Variants in ARRB1 observed in about 807,000 individuals in gnomAD.
The protein encoded by ARRB1 is beta-arrestin-1.
In ARRB1, 21 loss-of-function variants were observed where a neutral mutation model predicts 56.8. The ratio of observed to expected loss-of-function variants is 0.37; its 90% confidence interval spans 0.26 to 0.53. The LOEUF (loss-of-function observed/expected upper bound fraction) is 0.53, where lower values mean the gene tolerates loss of function less well. ARRB1 is among the 20% of genes least tolerant of loss of function. ARRB1 has a pLI of 0.88. For missense variants in ARRB1, 424 were observed against 553.7 expected (o/e 0.77, Z 2.35); for synonymous variants, 210 against 218.6 (o/e 0.96, Z 0.35).
intron 5 of ARRB1, 63 bp downstream of exon 5, chr11:75,283,224 C>T (rs999314595): frequency 6.5e-7 from 1 of 1,531,052 alleles, no homozygotes; most frequent in Non-Finnish European, 8.8e-7. Context: ...CTTATGCCCA[C>T]CCCAGAGGGC....
Position 75,278,207 on chromosome 11 carries a change from C to T in ARRB1, c.618+402G>A, listed in dbSNP as rs1354060122. On this transcript the variant is annotated intron_variant, in intron 8 of 15. Transcript: ENST00000420843. ...ATTCAGAGTTTGAGGGGAGGCCCTT[C>T]CTTCTGCAGGGCTTGTCGCCCTGAC... Among the ~76,000 whole-genome samples the T allele has an allele frequency of 2.0e-5, 3 of 152,232 alleles. No homozygotes were observed. In the South Asian group the frequency reaches 6.2e-4, roughly 31 times the overall value.
chr11:75,332,600 A>T (rs1381939284), intron 1 of ARRB1, among the ~76,000 whole-genome samples: 1 of 152,248 alleles, frequency 6.6e-6, no homozygotes, highest in African/African-American at 2.4e-5. Flanking sequence ...AAAATGTTTA[A>T]GTTTACCTAT....
intron 2 of ARRB1, among the ~76,000 whole-genome samples, chr11:75,289,707 G>C (rs948852744): frequency 2.0e-5 from 3 of 152,196 alleles, no homozygotes; most frequent in African/African-American, 7.2e-5. Context: ...GCGCTTACTG[G>C]TTGGCTTGTC....
Position 75,266,006 on chromosome 11 carries a change from G to A in ARRB1, c.*157C>T. On this transcript the variant is annotated 3_prime_UTR_variant, in exon 16 of 16. Coordinates refer to ENST00000420843, the MANE Select transcript of ARRB1 (RefSeq NM_004041.5). ...CGTGGTGATGTGGGGCCAATCCTGA[G>A]GCCAGAGGTTCATCACCGTGATCTG... 1 of 641,074 alleles carries A rather than the reference G, an allele frequency of 1.6e-6. No homozygotes were observed. Among genetic ancestry groups the A allele is most frequent in the Non-Finnish European group, 2.8e-6 (1 of 358,376 alleles). The allele number at this position is 641,074 out of a possible 1,614,324, so 39.7% of individuals were successfully genotyped here. A position where few individuals can be genotyped will look rare whatever the true frequency, so the allele number is the denominator to read the frequency against.
At chr11:75,339,663 T>C (rs1299542314) in intron 1 of ARRB1, among the ~76,000 whole-genome samples, 1 of 152,210 alleles carries the variant, frequency 6.6e-6, no homozygotes, top group Non-Finnish European at 1.5e-5. Flanking sequence ...GTCCCTGCTA[T>C]AAACAGATGC....
At chr11:75,349,003 G>A (rs927909142) in intron 1 of ARRB1, among the ~76,000 whole-genome samples, 1 of 152,196 alleles carries the variant, frequency 6.6e-6, no homozygotes, top group Non-Finnish European at 1.5e-5. Flanking sequence ...AATTCCAGAT[G>A]GAGGGATGGT....
chr11:75,318,884 C>T (rs1947303979), intron 1 of ARRB1, among the ~76,000 whole-genome samples: 3 of 152,162 alleles, frequency 2.0e-5, no homozygotes, highest in Non-Finnish European at 2.9e-5. Flanking sequence ...TAGTCAGGCC[C>T]TCAGTCCAAA....
At chr11:75,332,578 C>G (rs1591983837) in intron 1 of ARRB1, among the ~76,000 whole-genome samples, 1 of 152,338 alleles carries the variant, frequency 6.6e-6, no homozygotes, top group African/African-American at 2.4e-5. Flanking sequence ...AACTCAACCA[C>G]CTGTCAACCA....
intron 12 of ARRB1, 173 bp downstream of exon 12, chr11:75,272,722 C>T (rs960836952): frequency 9.2e-5 from 56 of 606,484 alleles, no homozygotes; most frequent in Non-Finnish European, 1.2e-4. Context: ...AGAGGGAAAG[C>T]GGGCGGGGGA....
rs1348024300 is a variant in ARRB1 at position 75,281,960 on chromosome 11, A to C, written c.414+2T>G. 6.2e-7 allele frequency: 1 copy of C among 1,613,964 alleles called. No homozygotes were observed. The highest frequency in any genetic ancestry group is 1.1e-5 in the South Asian group (1 of 91,072). ...AGAGATGGTCCCCTTGGGGTGACCT[A>C]CCTTCCCCGTGTCTTCGGGCCCCGG... On this transcript the variant is annotated splice_donor_variant, in intron 6 of 15. Transcript: ENST00000420843. LOFTEE classifies it high-confidence loss of function.
At chr11:75,343,830 CAG>C (rs1343043869) in intron 1 of ARRB1, among the ~76,000 whole-genome samples, 1 of 151,340 alleles carries the variant, frequency 6.6e-6, no homozygotes, top group Admixed American at 6.6e-5. Flanking sequence ...TTTTTTAAGA[CAG>C]AGTCTTGCTC....
intron 1 of ARRB1, among the ~76,000 whole-genome samples, chr11:75,333,200 C>T (rs1216234216): frequency 6.6e-6 from 1 of 152,184 alleles, no homozygotes; most frequent in Admixed American, 6.5e-5. Flanking sequence ...GTGCTAAGTG[C>T]TCTGAAGAAA....
intron 1 of ARRB1, among the ~76,000 whole-genome samples, chr11:75,319,658 G>A (rs935837149): frequency 6.6e-6 from 1 of 152,182 alleles, no homozygotes; most frequent in Non-Finnish European, 1.5e-5. Context: ...CCCTGCCCCA[G>A]GCACAGTGCA....
rs529041621 is a variant in ARRB1, at chr11:75,260,835, G to A, written c.*5328C>T. ...TGGGGGAATCCTGCCCTCAAAGGAGGGACTTTTGTCATAAAATCCTCCCTG... is the reference window on the plus strand; with the variant it reads ...TGGGGGAATCCTGCCCTCAAAGGAGAGACTTTTGTCATAAAATCCTCCCTG... On this transcript the variant is annotated 3_prime_UTR_variant, in exon 16 of 16. Transcript: ENST00000420843. 3 of 152,214 alleles carry A rather than the reference G, an allele frequency of 2.0e-5. No homozygotes were observed. The highest frequency in any genetic ancestry group is 2.0e-4 in the Admixed American group (3 of 15,288). 9.4% of individuals were successfully genotyped at this position (152,214 alleles called of 1,614,324 possible). A position where few individuals can be genotyped will look rare whatever the true frequency, so the allele number is the denominator to read the frequency against.
At chr11:75,269,215 C>T (rs770252658) in intron 13 of ARRB1, 3 of 705,406 alleles carry the variant, frequency 4.3e-6, no homozygotes, top group Non-Finnish European at 7.8e-6. Flanking sequence ...TTCCCACGGG[C>T]TGGGAAGAGG....
chr11:75,280,845 C>T (rs1946317696), intron 7 of ARRB1, among the ~76,000 whole-genome samples: 1 of 152,162 alleles, frequency 6.6e-6, no homozygotes, highest in South Asian at 2.1e-4. Flanking sequence ...GAGGAAGCTG[C>T]CACAATGGTG....
intron 1 of ARRB1, among the ~76,000 whole-genome samples, chr11:75,299,144 T>G (rs1406332445): frequency 6.6e-6 from 1 of 151,584 alleles, no homozygotes; most frequent in Non-Finnish European, 1.5e-5. Context: ...TGGAATTGGA[T>G]AGTGGTGATG....
chr11:75,310,002 A>C (rs571005800), intron 1 of ARRB1, among the ~76,000 whole-genome samples: 3 of 152,258 alleles, frequency 2.0e-5, no homozygotes, highest in Admixed American at 2.0e-4. Context: ...AGCCCGCAGG[A>C]GGAACGGTGC....
chr11:75,272,398 G>A (rs2140403916), intron 12 of ARRB1, among the ~76,000 whole-genome samples: 1 of 152,304 alleles, frequency 6.6e-6, no homozygotes, highest in East Asian at 1.9e-4. Context: ...AATGTTTGGG[G>A]CACTGTCTGG....
Sources: allele counts gnomAD v4.1 joint callset (sites outside exome capture counted in the v4.1 genomes callset), GRCh38; gene constraint gnomAD v4.1.1; transcripts MANE v1.5; gene names NCBI Gene and HGNC (gene_info 2026-07-23, HGNC 2026-07-21).